Variants in DNAH14 observed in about 807,000 individuals in gnomAD.
The protein encoded by DNAH14 is dynein axonemal heavy chain 14.
A neutral mutation model predicts 520.9 loss-of-function variants in DNAH14; 478 were observed. The ratio of observed to expected loss-of-function variants is 0.92; its 90% CI spans 0.85 to 0.99. DNAH14 has a LOEUF of 0.99. Among genes scored for constraint, DNAH14 ranks in the 50% least tolerant of loss-of-function variants. DNAH14 has a pLI of 0.00. For synonymous variants in DNAH14, 1,581 were observed against 1,757.2 expected (o/e 0.90, Z 2.51); for missense variants, 4,831 against 5,234.5 (o/e 0.92, Z 2.38).
chr1:225,283,061 T>C (rs1220173463), intron 54 of DNAH14, among the ~76,000 whole-genome samples: 1 of 151,330 alleles, frequency 6.6e-6, no homozygotes, highest in Non-Finnish European at 1.5e-5. Context: ...GAACTAAAAA[T>C]ATATATAATA....
chr1:225,275,654 T>C (rs796348777), intron 52 of DNAH14, among the ~76,000 whole-genome samples: 18 of 152,312 alleles, frequency 1.2e-4, no homozygotes, highest in African/African-American at 4.3e-4. Flanking sequence ...AATAAAACCA[T>C]ATTCTAATAT....
At chr1:225,184,043 C>T (rs962252065) in intron 36 of DNAH14, among the ~76,000 whole-genome samples, 6 of 152,148 alleles carry the variant, frequency 3.9e-5, no homozygotes, top group African/African-American at 9.6e-5. Flanking sequence ...AATAAAAAAT[C>T]AAGTAGGGAT....
chr1:225,145,967 T>G (rs2079898648), intron 30 of DNAH14, among the ~76,000 whole-genome samples: 1 of 152,220 alleles, frequency 6.6e-6, no homozygotes, highest in East Asian at 1.9e-4. Flanking sequence ...GTCATTTTAT[T>G]TGTGTTCAAA....
rs1194945287 is a variant in DNAH14 at position 225,351,729 on chromosome 1, C to G, written c.11379C>G (p.His3793Gln). The change falls in exon 72 of 86, where the codon CAC becomes CAG. Residue 3793 changes from histidine to glutamine, a missense_variant. Physicochemically the swap from His to Gln is conservative, Grantham distance 24. Coordinates refer to ENST00000682510, the MANE Select transcript of DNAH14 (RefSeq NM_001367479.1). Reference protein sequence around the residue: ...RWRQCQYVSTHLEPFSLLCKS... With the variant: ...RWRQCQYVSTQLEPFSLLCKS... ...GGCAGTGCCAATATGTCAGCACTCA[C>G]CTGGAACCATTTTCACTTCTGTGCA... The G allele has an allele frequency of 3.2e-6, 5 of 1,551,334 alleles. No homozygotes were observed. The Admixed American group carries it at 9.8e-5, about 30-fold the overall frequency.
chr1:225,012,240 G>T (rs912764042), intron 10 of DNAH14, among the ~76,000 whole-genome samples: 1 of 152,130 alleles, frequency 6.6e-6, no homozygotes, highest in Non-Finnish European at 1.5e-5. Flanking sequence ...GAAATTCTGG[G>T]TTGAAAATTC....
intron 16 of DNAH14, 116 bp downstream of exon 16, chr1:225,050,492 A>C: frequency 9.0e-7 from 1 of 1,105,082 alleles, no homozygotes. Context: ...CAATTGAAAA[A>C]TCATTTCCAG....
In DNAH14 at chr1:224,991,583, C is replaced by T. The variant is rs867692884; in HGVS notation, c.831-11200C>T. ...CTCTGCCTCCCAGGTTCAAGTGATT[C>T]TCCTGCCTCAGCCGCCTGAGTAGCT... On this transcript the variant is annotated intron_variant, in intron 8 of 85. Transcript: ENST00000682510. Among the ~76,000 whole-genome samples, 164 of 152,196 alleles carry T rather than the reference C, an allele frequency of 1.1e-3. 1 individual carries two copies. The highest frequency in any genetic ancestry group is 3.8e-3 in the African/African-American group (159 of 41,530).
At chr1:225,289,665 G>A (rs968046217) in intron 54 of DNAH14, among the ~76,000 whole-genome samples, 1 of 151,904 alleles carries the variant, frequency 6.6e-6, no homozygotes, top group African/African-American at 2.4e-5. Context: ...ATTTAAAGAG[G>A]CTATGGAAAG....
intron 12 of DNAH14, 22 bp downstream of exon 12, chr1:225,038,845 A>G (rs1558755989): frequency 1.4e-6 from 2 of 1,445,860 alleles, no homozygotes; most frequent in Non-Finnish European, 1.8e-6. Context: ...TTTGAAAAAT[A>G]TAAACATAGA....
At chr1:225,308,155 T>C in intron 59 of DNAH14, 130 bp from the exon 60 acceptor site, 1 of 967,100 alleles carries the variant, frequency 1.0e-6, no homozygotes, top group Non-Finnish European at 1.5e-6. Flanking sequence ...ATTTTATGAA[T>C]CTATTAAATA....
At chr1:225,080,887 T>C in intron 19 of DNAH14, 139 bp downstream of exon 19, 1 of 852,514 alleles carries the variant, frequency 1.2e-6, no homozygotes, top group South Asian at 3.0e-5. Flanking sequence ...TACAGGAGTA[T>C]AGGTAGGAAT....
chr1:225,254,439 A>T (rs1361348483), intron 44 of DNAH14, among the ~76,000 whole-genome samples: 1 of 152,212 alleles, frequency 6.6e-6, no homozygotes, highest in Non-Finnish European at 1.5e-5. Context: ...GATCCTTTAT[A>T]TGCCATGGCC....
chr1:225,057,798 T>A (rs1438243377), intron 17 of DNAH14, among the ~76,000 whole-genome samples: 2 of 152,210 alleles, frequency 1.3e-5, no homozygotes, highest in African/African-American at 4.8e-5. Flanking sequence ...ATATGGTTTT[T>A]GTCGTTGGTT....
At chr1:224,976,131 G>C (rs2061821267) in intron 8 of DNAH14, among the ~76,000 whole-genome samples, 2 of 151,984 alleles carry the variant, frequency 1.3e-5, no homozygotes, top group South Asian at 4.2e-4. Context: ...TTGCTGAGGA[G>C]AGCTTTACTT....
At chr1:225,347,470 C>CGGATA (rs1337367684) in intron 71 of DNAH14, among the ~76,000 whole-genome samples, 3 of 152,120 alleles carry the variant, frequency 2.0e-5, no homozygotes, top group Admixed American at 2.0e-4. Context: ...GTTCCTCCCT[C>CGGATA]GGATAGAAAC....
At position 225,392,321 on chromosome 1, in the gene DNAH14, G is replaced by T. The variant is rs1362172947; in HGVS notation, c.13361G>T (p.Gly4454Val). 2 of 1,552,254 alleles carry T rather than the reference G, an allele frequency of 1.3e-6. No homozygotes were observed. Among genetic ancestry groups the T allele is most frequent in the Non-Finnish European group, 8.7e-7 (1 of 1,147,148 alleles). ...CTTGCTGCTGTGCTTCAAGACTATGGGAGGTCCCGAGGAATCGCTGTGGAT... is the reference window on the plus strand; with the variant it reads ...CTTGCTGCTGTGCTTCAAGACTATGTGAGGTCCCGAGGAATCGCTGTGGAT... Reference protein sequence around the residue: ...AFLAAVLQDYGRSRGIAVDAL... With the variant: ...AFLAAVLQDYVRSRGIAVDAL... The change falls in exon 84 of 86, where the codon GGG becomes GTG. Residue 4454 changes from glycine (G) to valine (V), a missense_variant. Physicochemically the swap from Gly to Val is moderately radical, Grantham distance 109. Transcript: ENST00000682510.
intron 17 of DNAH14, among the ~76,000 whole-genome samples, chr1:225,054,516 A>G (rs932131997): frequency 2.6e-5 from 4 of 152,154 alleles, no homozygotes; most frequent in African/African-American, 4.8e-5. Flanking sequence ...TGGTTTTAGT[A>G]TATTATATAT....
chr1:225,079,074 A>G (rs929029993), intron 17 of DNAH14, 133 bp from the exon 18 acceptor site: 11 of 837,178 alleles, frequency 1.3e-5, no homozygotes, highest in Non-Finnish European at 2.0e-5. Flanking sequence ...CAGTGTGAGA[A>G]CAGACTAATA....
intron 55 of DNAH14, among the ~76,000 whole-genome samples, chr1:225,295,539 A>G (rs2093988027): frequency 6.6e-6 from 1 of 152,120 alleles, no homozygotes; most frequent in African/African-American, 2.4e-5. Context: ...TTTAATGTCC[A>G]TGAATGTTAC....
Sources: gnomAD v4.1 joint callset for allele counts (sites outside exome capture counted in the v4.1 genomes callset) on GRCh38, gnomAD v4.1.1 for gene constraint, MANE v1.5 for transcripts, NCBI Gene and HGNC (gene_info 2026-07-23, HGNC 2026-07-21) for gene names.